Variants in TRIM24 observed in about 807,000 individuals in gnomAD.
TRIM24 encodes transcription intermediary factor 1-alpha.
A neutral mutation model predicts 123.9 loss-of-function variants in TRIM24; 29 were observed. The ratio of observed to expected loss-of-function variants is 0.23; its 90% confidence interval spans 0.17 to 0.32. The LOEUF (loss-of-function observed/expected upper bound fraction) is 0.32. TRIM24 is among the 10% of genes least tolerant of loss of function. The pLI, the probability that TRIM24 is intolerant of heterozygous loss-of-function variation, is 1.00. For missense variants in TRIM24, 932 were observed against 1,295.3 expected, an observed-to-expected ratio of 0.72 and a Z score of 4.31; for synonymous variants, 456 against 461.1, an observed-to-expected ratio of 0.99 and a Z score of 0.14.
At chr7:138,582,719 CA>C (rs148007418) in intron 17 of TRIM24, among the ~76,000 whole-genome samples, 5 of 149,806 alleles carry the variant, frequency 3.3e-5, no homozygotes, top group East Asian at 1.9e-4. Context: ...AACTCTGTCC[CA>C]AAAAAAAAAT....
intron 9 of TRIM24, among the ~76,000 whole-genome samples, chr7:138,557,445 A>G (rs1026510177): frequency 7.2e-5 from 11 of 152,164 alleles, no homozygotes; most frequent in African/African-American, 2.2e-4. Context: ...AAGAGTCTCT[A>G]TGGCCGATTG....
At chr7:138,469,284 AAGTTT>A (rs1369217292) in intron 1 of TRIM24, among the ~76,000 whole-genome samples, 10 of 151,778 alleles carry the variant, frequency 6.6e-5, no homozygotes, top group African/African-American at 2.2e-4. Context: ...CTAGATGCAC[AAGTTT>A]TTCAAATTTC....
intron 2 of TRIM24, among the ~76,000 whole-genome samples, chr7:138,513,089 T>C (rs140967851): frequency 6.6e-6 from 1 of 152,322 alleles, no homozygotes; most frequent in African/African-American, 2.4e-5. Flanking sequence ...CCAACCAAGC[T>C]CTTTGCCAAG....
At chr7:138,573,719 TCTC>T in intron 12 of TRIM24, 77 bp downstream of exon 12, 5 of 1,465,608 alleles carry the variant, frequency 3.4e-6, no homozygotes, top group African/African-American at 2.9e-5. Flanking sequence ...TTACCCCTCT[TCTC>T]CTTTTTTGTT....
chr7:138,524,065 A>T (rs1017024803), intron 4 of TRIM24, among the ~76,000 whole-genome samples: 1 of 152,208 alleles, frequency 6.6e-6, no homozygotes, highest in Non-Finnish European at 1.5e-5. Context: ...GAATTCATTT[A>T]ACATGCCAAA....
At chr7:138,508,692 T>TGGGTGTGTGCGCGCGCGC (rs1422176564) in intron 2 of TRIM24, among the ~76,000 whole-genome samples, 1 of 137,214 alleles carries the variant, frequency 7.3e-6, no homozygotes, top group African/African-American at 2.8e-5. Flanking sequence ...TGTGTGTGTG[T>TGGGTGTGTGCGCGCGCGC]GCGCGCGCGT....
At chr7:138,505,502 G>GGGT (rs3073142) in intron 2 of TRIM24, among the ~76,000 whole-genome samples, 52 of 148,682 alleles carry the variant, frequency 3.5e-4, no homozygotes, top group Non-Finnish European at 6.0e-4. Flanking sequence ...TGTTTTTTGG[G>GGGT]GGTGGTGGTT....
intron 1 of TRIM24, among the ~76,000 whole-genome samples, chr7:138,486,728 T>C (rs1795656281): frequency 6.6e-6 from 1 of 152,226 alleles, no homozygotes. Context: ...CATGCTGTTT[T>C]GGTTACTGTA....
At chr7:138,575,623 A>T (rs1797742752) in intron 12 of TRIM24, among the ~76,000 whole-genome samples, 1 of 151,776 alleles carries the variant, frequency 6.6e-6, no homozygotes. Flanking sequence ...TCAATTCGGA[A>T]TTTTTTTTCT....
chr7:138,576,402 C>A lies in TRIM24; in HGVS notation c.2044C>A (p.Pro682Thr), dbSNP rs774938867. ...GPVTMTSVHP[P>T]IRSPSASSVG... Reference sequence around the variant, plus strand: ...TGTTACTATGACTAGTGTACACCCCCCAATACGTTCACCTAGTGCCTCCAG... The same window carrying A: ...TGTTACTATGACTAGTGTACACCCCACAATACGTTCACCTAGTGCCTCCAG... Residue 682 changes from proline (P) to threonine (T), a missense_variant, in exon 13 of 19, where the codon CCA (proline) becomes ACA (threonine). Around this residue, in one of 7 missense-constraint regions of TRIM24, gnomAD observed 527 missense variants for 691.3 expected, o/e 0.76. Transcript: ENST00000343526. 4 of 1,613,814 alleles carry A rather than the reference C, an allele frequency of 2.5e-6. No homozygotes were observed. The highest frequency in any genetic ancestry group is 1.3e-5 in the African/African-American group (1 of 75,000).
chr7:138,539,895 G>A (rs1219754701), intron 7 of TRIM24, among the ~76,000 whole-genome samples: 3 of 149,010 alleles, frequency 2.0e-5, no homozygotes, highest in South Asian at 2.1e-4. Context: ...CCACCTCGCC[G>A]GTTCACACCA....
At chr7:138,567,972 A>G (rs1797569864) in intron 10 of TRIM24, among the ~76,000 whole-genome samples, 1 of 152,058 alleles carries the variant, frequency 6.6e-6, no homozygotes, top group Admixed American at 6.5e-5. Flanking sequence ...TACATTCCAC[A>G]AAATAGAACA....
intron 6 of TRIM24, among the ~76,000 whole-genome samples, chr7:138,532,312 T>C (rs953298872): frequency 6.6e-6 from 1 of 152,122 alleles, no homozygotes; most frequent in African/African-American, 2.4e-5. Context: ...CTGAATGGTA[T>C]TGCCTAGGTT....
At chr7:138,583,406 AC>A (rs1209339532) in intron 17 of TRIM24, among the ~76,000 whole-genome samples, 1 of 152,088 alleles carries the variant, frequency 6.6e-6, no homozygotes, top group East Asian at 1.9e-4. Flanking sequence ...GATTGCTTGA[AC>A]CCAGGAGTTT....
chr7:138,486,205 A>G (rs760135034), intron 1 of TRIM24, among the ~76,000 whole-genome samples: 1 of 151,756 alleles, frequency 6.6e-6, no homozygotes, highest in Non-Finnish European at 1.5e-5. Context: ...TTTTCTTGTA[A>G]ATTTACATTC....
At chr7:138,487,100 A>G (rs984374686) in intron 1 of TRIM24, among the ~76,000 whole-genome samples, 29 of 152,148 alleles carry the variant, frequency 1.9e-4, no homozygotes, top group Non-Finnish European at 3.1e-4. Context: ...CTTTGAAGCA[A>G]TTGTGAATGG....
At chr7:138,568,379 CT>C (rs60386130) in intron 10 of TRIM24, among the ~76,000 whole-genome samples, 987 of 68,602 alleles carry the variant, frequency 0.014, 19 homozygotes, top group African/African-American at 0.052. Flanking sequence ...ACCTGGCCTC[CT>C]TTTTTTTTTT....
chr7:138,525,647 C>A (rs1796593105), intron 5 of TRIM24, among the ~76,000 whole-genome samples: 1 of 152,084 alleles, frequency 6.6e-6, no homozygotes. Flanking sequence ...AATTTAAATG[C>A]CAAATCAACC....
intron 2 of TRIM24, among the ~76,000 whole-genome samples, chr7:138,511,372 C>G (rs1764316503): frequency 6.6e-6 from 1 of 151,286 alleles, no homozygotes; most frequent in Non-Finnish European, 1.5e-5. Flanking sequence ...CCAGTCTTGG[C>G]TCACTGCAAC....
Sources: allele counts gnomAD v4.1 joint callset (sites outside exome capture counted in the v4.1 genomes callset), GRCh38; gene constraint gnomAD v4.1.1; regional missense constraint gnomAD v4.1.1; transcripts MANE v1.5; gene names NCBI Gene and HGNC (gene_info 2026-07-23, HGNC 2026-07-21).